The following ZNF800 variants were observed in gnomAD, a reference collection of about 807,000 sequenced individuals.
ZNF800 encodes zinc finger protein 800.
ZNF800 carries 13 observed loss-of-function variants against 59.5 expected under a neutral mutation model. The observed-to-expected ratio is 0.22, with a 90% confidence interval of 0.14 to 0.35. The LOEUF (loss-of-function observed/expected upper bound fraction) is 0.35. Ranked by LOEUF, ZNF800 falls within the 10% of genes least tolerant of loss-of-function variation. The pLI is 1.00. For synonymous variants in ZNF800, 266 were observed against 265.7 expected (o/e 1.00, Z -0.01); for missense variants, 621 against 783.7 (o/e 0.79, Z 2.48).
At chr7:127,390,301 T>C (rs1055928756) in intron 2 of ZNF800, among the ~76,000 whole-genome samples, 2 of 152,170 alleles carry the variant, frequency 1.3e-5, no homozygotes, top group Non-Finnish European at 2.9e-5. Flanking sequence ...GCAGTTCAAA[T>C]ACACAAAATA....
chr7:127,372,657 T>C, intron 5 of ZNF800: 1 of 985,200 alleles, frequency 1.0e-6, no homozygotes, highest in Non-Finnish European at 1.2e-6. Flanking sequence ...ATAAGCATTG[T>C]TTCCATAGAT....
At chr7:127,356,701 C>T (rs10272297) in intron 1 of ZNF800, among the ~76,000 whole-genome samples, 142,968 of 152,118 alleles carry the variant, frequency 0.94, 67,261 homozygotes, top group East Asian at 1. Context: ...ATACCCATCA[C>T]TGATTAAAGT....
At chr7:127,354,679 T>C (rs1800233972) in intron 1 of ZNF800, among the ~76,000 whole-genome samples, 3 of 152,100 alleles carry the variant, frequency 2.0e-5, no homozygotes, top group African/African-American at 7.2e-5. Context: ...GTATACCTTT[T>C]TGTACTTTTT....
At chr7:127,366,425 G>A (rs1389290786), downstream of ZNF800, among the ~76,000 whole-genome samples, 6 of 152,116 alleles carry the variant, frequency 3.9e-5, no homozygotes, top group African/African-American at 2.4e-5. Flanking sequence ...CTAATATGCT[G>A]CTACAAAAAA....
intron 3 of ZNF800, among the ~76,000 whole-genome samples, chr7:127,379,841 CCCACCCCCCCA>C (rs1800907799): frequency 2.3e-5 from 1 of 42,718 alleles, no homozygotes; most frequent in Non-Finnish European, 4.7e-5. Context: ...TTGCCACCCC[CCCACCCCCCCA>C]CCCCCCCCAC....
At chr7:127,366,205 T>G (rs920288017), downstream of ZNF800, among the ~76,000 whole-genome samples, 1 of 152,134 alleles carries the variant, frequency 6.6e-6, no homozygotes, top group East Asian at 1.9e-4. Context: ...AAGAATGGAA[T>G]GATGCTAGGC....
At chr7:127,357,655 A>G (rs979724315) in intron 1 of ZNF800, among the ~76,000 whole-genome samples, 34 of 152,144 alleles carry the variant, frequency 2.2e-4, no homozygotes, top group African/African-American at 8.2e-4. Flanking sequence ...ATTTTTTAAA[A>G]TAAGATTTTT....
intron 2 of ZNF800, 108 bp from the exon 3 acceptor site, chr7:127,386,263 C>T: frequency 1.6e-6 from 1 of 617,970 alleles, no homozygotes; most frequent in South Asian, 2.1e-5. Context: ...TAAGGATAAT[C>T]ACACTTGTGC....
intron 3 of ZNF800, among the ~76,000 whole-genome samples, chr7:127,385,040 A>G (rs575448079): frequency 6.6e-6 from 1 of 152,334 alleles, no homozygotes; most frequent in Non-Finnish European, 1.5e-5. Flanking sequence ...AGAAAAAATA[A>G]ATGTTTTAAT....
chr7:127,344,459 T>A (rs374728719), downstream of ZNF800, among the ~76,000 whole-genome samples: 3 of 152,134 alleles, frequency 2.0e-5, no homozygotes, highest in East Asian at 5.8e-4. Context: ...TTAGTCTATA[T>A]TGTTAAAGCA....
chr7:127,349,878 C>G (rs778295714), intron 1 of ZNF800: 1 of 152,220 alleles, frequency 6.6e-6, no homozygotes, highest in Non-Finnish European at 1.5e-5. Context: ...CCAGCTTTCA[C>G]TATTCATACA....
downstream of ZNF800, among the ~76,000 whole-genome samples, chr7:127,345,155 G>A (rs1800034660): frequency 2.0e-5 from 3 of 152,106 alleles, no homozygotes; most frequent in African/African-American, 7.2e-5. Context: ...TATCAAATAT[G>A]TTCATTCATT....
chr7:127,391,314 G>A (rs1412952885), intron 2 of ZNF800, among the ~76,000 whole-genome samples, 183 bp downstream of exon 2: 1 of 152,046 alleles, frequency 6.6e-6, no homozygotes, highest in Non-Finnish European at 1.5e-5. Context: ...TTTTTTTAAG[G>A]GATCAAGCAG....
chr7:127,390,520 A>AT (rs928239866), intron 2 of ZNF800, among the ~76,000 whole-genome samples: 2 of 152,134 alleles, frequency 1.3e-5, no homozygotes, highest in South Asian at 4.1e-4. Context: ...TACTGATAAC[A>AT]TTTTTTTCCA....
chr7:127,346,766 A>G (rs754005477), downstream of ZNF800: 1 of 152,490 alleles, frequency 6.6e-6, no homozygotes, highest in Non-Finnish European at 1.5e-5. Flanking sequence ...TGAAGGATAA[A>G]CAGAAGGAAG....
chr7:127,366,534 T>C (rs1800509900), downstream of ZNF800, among the ~76,000 whole-genome samples: 1 of 152,174 alleles, frequency 6.6e-6, no homozygotes, highest in Admixed American at 6.6e-5. Context: ...GAAATGCAGA[T>C]ACTGATCAAA....
chr7:127,390,204 G>A (rs2117220228), intron 2 of ZNF800, among the ~76,000 whole-genome samples: 1 of 152,216 alleles, frequency 6.6e-6, no homozygotes. Flanking sequence ...AAGGTCAGTG[G>A]AACATGAGTT....
chr7:127,389,362 T>C (rs1801236753), intron 2 of ZNF800, among the ~76,000 whole-genome samples: 9 of 152,216 alleles, frequency 5.9e-5, no homozygotes, highest in Admixed American at 5.9e-4. Context: ...GCCAGAGTTA[T>C]AGTGCCACCC....
intron 3 of ZNF800, among the ~76,000 whole-genome samples, chr7:127,383,801 A>T (rs1801046636): frequency 6.6e-6 from 1 of 152,224 alleles, no homozygotes; most frequent in South Asian, 2.1e-4. Context: ...ACCACTCAGC[A>T]TATTTCTAAA....
Sources: allele counts gnomAD v4.1 joint callset (sites outside exome capture counted in the v4.1 genomes callset), GRCh38; gene constraint gnomAD v4.1.1; transcripts MANE v1.5; gene names NCBI Gene and HGNC (gene_info 2026-07-23, HGNC 2026-07-21).